The following SCLT1 variants were observed in gnomAD, a reference collection of about 807,000 sequenced individuals.
The protein encoded by SCLT1 is sodium channel-associated protein 1.
In SCLT1, 78 loss-of-function variants were observed where a neutral mutation model predicts 112.8. The ratio of observed to expected loss-of-function variants is 0.69; its 90% CI spans 0.58 to 0.83. SCLT1 has a LOEUF of 0.83. Among genes scored for constraint, SCLT1 ranks in the 40% least tolerant of loss-of-function variants. SCLT1 has a pLI of 0.00. For synonymous variants in SCLT1, 257 were observed against 254.7 expected, an observed-to-expected ratio of 1.01 and a Z score of -0.09; for missense variants, 747 against 770.4, an observed-to-expected ratio of 0.97 and a Z score of 0.36.
chr4:128,928,399 G>C (rs910372915), intron 18 of SCLT1, among the ~76,000 whole-genome samples: 1 of 152,028 alleles, frequency 6.6e-6, no homozygotes, highest in Non-Finnish European at 1.5e-5. Flanking sequence ...TATATATAAG[G>C]AGAATGCATT....
intron 3 of SCLT1, among the ~76,000 whole-genome samples, 158 bp from the exon 4 acceptor site, chr4:129,043,625 C>T (rs903771687): frequency 1.4e-4 from 22 of 152,042 alleles, no homozygotes; most frequent in African/African-American, 5.3e-4. Flanking sequence ...TAAATATTTG[C>T]ACAATTAATA....
chr4:128,987,494 A>G (rs1191799007), intron 9 of SCLT1, among the ~76,000 whole-genome samples: 2 of 152,206 alleles, frequency 1.3e-5, no homozygotes, highest in Admixed American at 6.5e-5. Flanking sequence ...AAATTTGACA[A>G]AGATTGAAAT....
At chr4:128,928,597 C>T (rs1312693921) in intron 18 of SCLT1, among the ~76,000 whole-genome samples, 6 of 152,118 alleles carry the variant, frequency 3.9e-5, no homozygotes, top group South Asian at 4.2e-4. Flanking sequence ...TTTGGGAGGC[C>T]GAGGCAGGTG....
At chr4:129,051,540 T>C (rs1748792303) in intron 2 of SCLT1, among the ~76,000 whole-genome samples, 1 of 152,172 alleles carries the variant, frequency 6.6e-6, no homozygotes, top group Non-Finnish European at 1.5e-5. Context: ...CTGCTATTGG[T>C]GTAGAGGAAT....
At chr4:129,042,806 A>T (rs1257993073) in intron 4 of SCLT1, among the ~76,000 whole-genome samples, 1 of 151,998 alleles carries the variant, frequency 6.6e-6, no homozygotes, top group African/African-American at 2.4e-5. Flanking sequence ...ACACCACCAC[A>T]CCCAGCTAAC....
chr4:129,043,475 A>C lies in SCLT1; in HGVS notation c.162-8T>G. On this transcript the variant is annotated splice_region_variant and splice_polypyrimidine_tract_variant and intron_variant, in intron 3 of 20. Coordinates refer to ENST00000281142, the MANE Select transcript of SCLT1 (RefSeq NM_144643.4). Reference sequence around the variant, plus strand: ...ACAAGAGGAGCTAAAAAGCTAAAAAAAGACAATAAAAATATAGCATATTCT... The same window carrying C: ...ACAAGAGGAGCTAAAAAGCTAAAAACAGACAATAAAAATATAGCATATTCT... 1 of 1,331,954 alleles carries C rather than the reference A, an allele frequency of 7.5e-7. No homozygotes were observed. The highest frequency in any genetic ancestry group is 1.1e-6 in the Non-Finnish European group (1 of 942,880). 82.5% of individuals were successfully genotyped at this position (1,331,954 alleles called of 1,614,324 possible). A position where few individuals can be genotyped will look rare whatever the true frequency, so the allele number is the denominator to read the frequency against.
chr4:129,022,090 GCAA>G (rs1349402655), intron 5 of SCLT1, among the ~76,000 whole-genome samples: 4 of 152,082 alleles, frequency 2.6e-5, no homozygotes, highest in Non-Finnish European at 5.9e-5. Flanking sequence ...CAAACAGAAA[GCAA>G]CAACATCAAC....
chr4:128,887,386 G>A (rs1732967215), intron 20 of SCLT1, among the ~76,000 whole-genome samples: 2 of 152,092 alleles, frequency 1.3e-5, no homozygotes, highest in South Asian at 4.1e-4. Context: ...GGCATGCCAT[G>A]TTCATAACAG....
intron 5 of SCLT1, among the ~76,000 whole-genome samples, chr4:129,026,751 T>C (rs1318480355): frequency 5.3e-5 from 8 of 152,230 alleles, no homozygotes; most frequent in Admixed American, 2.0e-4. Context: ...AAAAAATTAA[T>C]GAATCCAGGA....
At chr4:129,054,928 T>C (rs578080982) in intron 2 of SCLT1, among the ~76,000 whole-genome samples, 4 of 152,186 alleles carry the variant, frequency 2.6e-5, no homozygotes, top group Non-Finnish European at 5.9e-5. Context: ...CTGATGACCT[T>C]TGGGTGGGGT....
At chr4:128,952,608 C>A in intron 14 of SCLT1, 161 bp downstream of exon 14, 1 of 622,338 alleles carries the variant, frequency 1.6e-6, no homozygotes, top group Non-Finnish European at 2.9e-6. Context: ...AGCCACAAGG[C>A]TGCTGCAAAC....
intron 18 of SCLT1, among the ~76,000 whole-genome samples, chr4:128,914,092 G>A (rs751460828): frequency 2.6e-5 from 4 of 152,276 alleles, no homozygotes; most frequent in Admixed American, 6.5e-5. Flanking sequence ...ATTGCCGGGC[G>A]CGGTGGCTCA....
chr4:128,877,835 G>A (rs1276497124), intron 3 of SCLT1, among the ~76,000 whole-genome samples: 1 of 152,182 alleles, frequency 6.6e-6, no homozygotes, highest in Non-Finnish European at 1.5e-5. Context: ...TAACCTAATA[G>A]ATAATGAGCA....
In SCLT1 at chr4:128,928,417, T is replaced by G. The variant is rs925955037; in HGVS notation, c.1829+8238A>C. On this transcript the variant is annotated intron_variant, in intron 18 of 20. Transcript: ENST00000281142. The stretch of plus-strand genomic sequence containing the variant: ...ATATAAGGAGAATGCATTACAATCA[T>G]GTTGGTTTTGTCACAGGAATGAAAA... Among the ~76,000 whole-genome samples, 4 of 152,318 alleles carry G rather than the reference T, an allele frequency of 2.6e-5. 1 individual carries two copies. Among genetic ancestry groups the G allele is most frequent in the African/African-American group, 9.6e-5 (4 of 41,540 alleles).
chr4:128,961,698 T>C (rs1739747842), intron 11 of SCLT1, among the ~76,000 whole-genome samples: 1 of 152,174 alleles, frequency 6.6e-6, no homozygotes, highest in East Asian at 1.9e-4. Flanking sequence ...GGGGTCTGTG[T>C]TCAAAAGTAT....
chr4:128,910,486 T>C (rs1735010038), intron 18 of SCLT1, among the ~76,000 whole-genome samples: 1 of 152,224 alleles, frequency 6.6e-6, no homozygotes, highest in South Asian at 2.1e-4. Flanking sequence ...TTGATGAATT[T>C]TGCACATTAA....
intron 2 of SCLT1, among the ~76,000 whole-genome samples, chr4:129,060,134 C>A (rs1281163620): frequency 3.3e-5 from 5 of 151,982 alleles, no homozygotes; most frequent in Non-Finnish European, 2.9e-5. Flanking sequence ...CTGTACTGTA[C>A]TTTTCAATTA....
chr4:128,984,491 C>T (rs1741926440), intron 9 of SCLT1, among the ~76,000 whole-genome samples: 1 of 152,078 alleles, frequency 6.6e-6, no homozygotes, highest in Non-Finnish European at 1.5e-5. Flanking sequence ...ATTAAGATAC[C>T]TTCTAGCAAT....
intron 5 of SCLT1, among the ~76,000 whole-genome samples, chr4:129,029,979 A>G (rs1746549768): frequency 6.6e-6 from 1 of 152,154 alleles, no homozygotes; most frequent in South Asian, 2.1e-4. Context: ...CATCTACAGA[A>G]CTCTACACCC....
Sources: gnomAD v4.1 joint callset for allele counts (sites outside exome capture counted in the v4.1 genomes callset) on GRCh38, gnomAD v4.1.1 for gene constraint, MANE v1.5 for transcripts, NCBI Gene and HGNC (gene_info 2026-07-23, HGNC 2026-07-21) for gene names.